CPNE4: variants seen among roughly 807,000 people sequenced by gnomAD.
CPNE4 encodes the protein copine 4.
A neutral mutation model predicts 67.9 loss-of-function variants in CPNE4; 25 were observed. The ratio of observed to expected loss-of-function variants is 0.37; its 90% CI spans 0.27 to 0.51. CPNE4 has a LOEUF of 0.51. Among genes scored for constraint, CPNE4 ranks in the 20% least tolerant of loss-of-function variants. The pLI is 0.93. For missense variants in CPNE4, 464 were observed against 690.8 expected (o/e 0.67, Z 3.68); for synonymous variants, 242 against 244.9 (o/e 0.99, Z 0.11).
intron 2 of CPNE4, among the ~76,000 whole-genome samples, chr3:131,751,261 C>G (rs1018253962): frequency 1.3e-5 from 2 of 152,020 alleles, no homozygotes; most frequent in Admixed American, 6.6e-5. Context: ...TTATCCCTTC[C>G]TTCTTGGACT....
intron 3 of CPNE4, among the ~76,000 whole-genome samples, chr3:131,708,480 C>G (rs2081469371): frequency 6.6e-6 from 1 of 152,058 alleles, no homozygotes; most frequent in South Asian, 2.1e-4. Context: ...AATGGAAGGG[C>G]AGGAGCTGAT....
chr3:131,595,009 C>T (rs1938759551), intron 7 of CPNE4, among the ~76,000 whole-genome samples: 1 of 152,172 alleles, frequency 6.6e-6, no homozygotes, highest in African/African-American at 2.4e-5. Flanking sequence ...TGAGATACCA[C>T]CTTACACCTG....
chr3:131,651,238 G>A (rs1407745349), intron 7 of CPNE4, among the ~76,000 whole-genome samples: 1 of 152,072 alleles, frequency 6.6e-6, no homozygotes, highest in Non-Finnish European at 1.5e-5. Context: ...GGGTCCTCCT[G>A]AGATATTTTA....
chr3:131,760,077 CTTTG>C lies in CPNE4; in HGVS notation c.181-36456_181-36453del, dbSNP rs201402435. The stretch of plus-strand genomic sequence containing the variant: ...ACTTATGTAAAAATCTTAGTAACAA[CTTTG>C]TTTGTCAGAGTACAAATAGTGTGGA... On this transcript the variant is annotated intron_variant, in intron 2 of 15. Coordinates refer to ENST00000429747, the MANE Select transcript of CPNE4 (RefSeq NM_130808.3). Among the ~76,000 whole-genome samples, 8 of 152,290 alleles carry C rather than the reference CTTTG, an allele frequency of 5.3e-5. No individual in the cohort carries two copies. In the East Asian group the frequency reaches 9.7e-4, roughly 18 times the overall value.
chr3:132,007,061 T>C (rs2073628250), intron 1 of CPNE4, among the ~76,000 whole-genome samples: 1 of 152,178 alleles, frequency 6.6e-6, no homozygotes, highest in Non-Finnish European at 1.5e-5. Context: ...TAATGATGAC[T>C]GTGATGTGCT....
intron 7 of CPNE4, among the ~76,000 whole-genome samples, chr3:131,658,422 C>T (rs1362939948): frequency 2.0e-5 from 3 of 152,194 alleles, no homozygotes; most frequent in African/African-American, 4.8e-5. Context: ...ACTTTCTTCT[C>T]TTTACTGGAA....
chr3:131,956,680 T>TA (rs2071983729), intron 1 of CPNE4, among the ~76,000 whole-genome samples: 2 of 152,164 alleles, frequency 1.3e-5, no homozygotes, highest in Non-Finnish European at 2.9e-5. Context: ...TTGAGATTGA[T>TA]ATATAAAGTG....
At chr3:131,711,690 A>G (rs1184655368) in intron 3 of CPNE4, among the ~76,000 whole-genome samples, 5 of 151,932 alleles carry the variant, frequency 3.3e-5, no homozygotes, top group African/African-American at 1.2e-4. Context: ...TGAAACCAAG[A>G]CTCGTGGGAA....
At chr3:131,899,665 G>C (rs375123662) in intron 2 of CPNE4, among the ~76,000 whole-genome samples, 2 of 152,050 alleles carry the variant, frequency 1.3e-5, no homozygotes, top group African/African-American at 4.8e-5. Context: ...TGTGAGGATA[G>C]AATATACGTA....
chr3:131,754,013 A>T (rs1332800292), intron 2 of CPNE4, among the ~76,000 whole-genome samples: 1 of 152,176 alleles, frequency 6.6e-6, no homozygotes. Context: ...AGTGCCAAAT[A>T]AACTGGAAAC....
chr3:131,581,704 A>C, intron 8 of CPNE4, 39 bp from the exon 9 acceptor site: 1 of 1,468,562 alleles, frequency 6.8e-7, no homozygotes, highest in Non-Finnish European at 9.5e-7. Flanking sequence ...TGTTCAGGAA[A>C]AAGCTGAGTC....
intron 2 of CPNE4, among the ~76,000 whole-genome samples, chr3:131,899,294 T>C (rs1207956972): frequency 4.6e-5 from 7 of 152,058 alleles, no homozygotes; most frequent in Admixed American, 3.3e-4. Context: ...GGAGGGAAGA[T>C]GCTAATTATC....
At chr3:131,682,664 C>G (rs1293916660) in intron 6 of CPNE4, among the ~76,000 whole-genome samples, 1 of 151,994 alleles carries the variant, frequency 6.6e-6, no homozygotes, top group African/African-American at 2.4e-5. Flanking sequence ...ACACAAGGCT[C>G]TAGTACTCTA....
intron 2 of CPNE4, among the ~76,000 whole-genome samples, chr3:131,874,834 C>T (rs759482247): frequency 4.9e-4 from 75 of 152,068 alleles, no homozygotes; most frequent in Non-Finnish European, 9.6e-4. Flanking sequence ...GGCTTAAAGT[C>T]AAATTAAACA....
intron 1 of CPNE4, among the ~76,000 whole-genome samples, chr3:132,001,797 G>A (rs7628139): frequency 0.9 from 136,372 of 152,116 alleles, 61,342 homozygotes; most frequent in Middle Eastern, 0.94. Context: ...GCTGAATTAA[G>A]GTCAAAATCC....
In CPNE4 at chr3:131,936,932, G is replaced by A. The variant is rs142309688; in HGVS notation, c.-1-31488C>T. ...CTAGAAGAGTACATAAGACAGCACAGTAAAGGACATAAAAACTAAAAATGA... is the reference window on the plus strand; with the variant it reads ...CTAGAAGAGTACATAAGACAGCACAATAAAGGACATAAAAACTAAAAATGA... On this transcript the variant is annotated intron_variant, in intron 1 of 15. Transcript: ENST00000429747. 7.2e-3 allele frequency among the ~76,000 whole-genome samples: 1,094 copies of A among 151,030 alleles called. 14 individuals are homozygous for A. The highest frequency in any genetic ancestry group is 0.026 in the African/African-American group (1,051 of 41,208).
At chr3:131,629,292 A>G (rs1026496749) in intron 7 of CPNE4, among the ~76,000 whole-genome samples, 1 of 152,114 alleles carries the variant, frequency 6.6e-6, no homozygotes, top group Non-Finnish European at 1.5e-5. Context: ...CAGCCAAACC[A>G]TATCACCCTC....
At chr3:131,540,618 G>C (rs144642127) in intron 15 of CPNE4, among the ~76,000 whole-genome samples, 2 of 152,330 alleles carry the variant, frequency 1.3e-5, no homozygotes, top group Non-Finnish European at 2.9e-5. Context: ...GTATAGGTGA[G>C]AGTCCAGTGT....
At chr3:131,876,851 G>A (rs2087481649) in intron 2 of CPNE4, among the ~76,000 whole-genome samples, 1 of 152,086 alleles carries the variant, frequency 6.6e-6, no homozygotes, top group South Asian at 2.1e-4. Context: ...AAATCACAGT[G>A]AGTACCATGT....
Sources: allele counts gnomAD v4.1 joint callset (sites outside exome capture counted in the v4.1 genomes callset), GRCh38; gene constraint gnomAD v4.1.1; transcripts MANE v1.5; gene names NCBI Gene and HGNC (gene_info 2026-07-23, HGNC 2026-07-21).